The following IQSEC2 variants were observed in gnomAD, a reference collection of about 807,000 sequenced individuals.
IQSEC2 encodes the protein IQ motif and Sec7 domain ArfGEF 2.
In IQSEC2, 6 loss-of-function variants were observed where a neutral mutation model predicts 74.6. The observed-to-expected ratio is 0.08, with a 90% CI of 0.04 to 0.16. IQSEC2 has a LOEUF of 0.16. Ranked by LOEUF, IQSEC2 falls within the 10% of genes least tolerant of loss-of-function variation. The probability of loss-of-function intolerance (pLI) is 1.00; values close to 1 mark genes in which losing one functional copy is unlikely to be tolerated. For missense variants in IQSEC2, 734 were observed against 1,306.2 expected (o/e 0.56, Z 6.75); for synonymous variants, 494 against 544.5 (o/e 0.91, Z 1.29).
At chrX:53,279,883 G>A (rs1295768663) in intron 2 of IQSEC2, 2 of 103,802 alleles carry the variant, frequency 1.9e-5, no homozygotes, top group Non-Finnish European at 3.7e-5. Context: ...AGAGAGGGAG[G>A]AAGATGGAGA....
chrX:53,235,908 C>T lies in IQSEC2; in HGVS notation c.3452-76G>A, dbSNP rs1019934444. On this transcript the variant is annotated intron_variant, in intron 13 of 14. Coordinates refer to ENST00000642864, the MANE Select transcript of IQSEC2 (RefSeq NM_001111125.3). ...CCCTGCTGGGCTCCAGAGCTGGGCACCAGGACTGGGCCCCTCCCGGGGACA... is the reference window on the plus strand; with the variant it reads ...CCCTGCTGGGCTCCAGAGCTGGGCATCAGGACTGGGCCCCTCCCGGGGACA... 37 of 1,013,190 alleles carry T rather than the reference C, an allele frequency of 3.7e-5. 1 individual carries two copies. The Middle Eastern group carries it at 9.9e-4, about 27-fold the overall frequency. The allele number at this position is 1,013,190 out of a possible 1,213,427, so 83.5% of individuals were successfully genotyped here.
chrX:53,234,813 G>A lies in IQSEC2; in HGVS notation c.3873C>T (p.Pro1291=). Reference sequence around the variant, plus strand: ...AGGGTGGGGGCTGCTGGGGAGGTGGGGGAAGAGAGGGCTGCTGGGGTGGGA... The same window carrying A: ...AGGGTGGGGGCTGCTGGGGAGGTGGAGGAAGAGAGGGCTGCTGGGGTGGGA... ...PYLPPQQPSL[P]PPPQQPPPLP... Residue 1291 remains proline, a synonymous_variant, in exon 15 of 15, where the codon CCC becomes CCT. Transcript: ENST00000642864. 3 of 1,120,319 alleles carry A rather than the reference G, an allele frequency of 2.7e-6. No homozygotes were observed. Among genetic ancestry groups the A allele is most frequent in the Non-Finnish European group, 3.5e-6 (3 of 847,830 alleles). The allele number at this position is 1,120,319 out of a possible 1,213,427, so 92.3% of individuals were successfully genotyped here.
intron 1 of IQSEC2, among the ~76,000 whole-genome samples, chrX:53,306,624 G>A (rs1014788123): frequency 9.0e-6 from 1 of 111,349 alleles, no homozygotes; most frequent in African/African-American, 3.3e-5. Context: ...AGTAGCTTTC[G>A]CCTTAGTTTC....
chrX:53,317,287 A>G (rs1434468076), intron 1 of IQSEC2, among the ~76,000 whole-genome samples: 2 of 111,439 alleles, frequency 1.8e-5, no homozygotes, highest in Non-Finnish European at 3.8e-5. Flanking sequence ...GACGCATCTC[A>G]CTCTATCTGC....
chrX:53,248,713 G>A lies in IQSEC2; in HGVS notation c.2459+8C>T, dbSNP rs1485084441. ...CTGGCCCAGCCTGCCCCATCCTGGGGTCCTCACTCCAACACGTCTCTGTTG... is the reference window on the plus strand; with the variant it reads ...CTGGCCCAGCCTGCCCCATCCTGGGATCCTCACTCCAACACGTCTCTGTTG... On this transcript the variant is annotated splice_region_variant and intron_variant, in intron 6 of 14. Transcript: ENST00000642864. The A allele has an allele frequency of 3.3e-6, 4 of 1,208,836 alleles. No homozygotes were observed. Among genetic ancestry groups the A allele is most frequent in the Non-Finnish European group, 4.5e-6 (4 of 894,407 alleles).
intron 1 of IQSEC2, among the ~76,000 whole-genome samples, chrX:53,307,908 C>A (rs1288516366): frequency 1.7e-4 from 18 of 105,740 alleles, no homozygotes; most frequent in South Asian, 4.2e-4. Context: ...AAAAAAAGGC[C>A]GGGCACGGCG....
chrX:53,267,112 A>T (rs1216561189), intron 2 of IQSEC2: 2 of 1,125,864 alleles, frequency 1.8e-6, no homozygotes, highest in Non-Finnish European at 2.3e-6. Context: ...TGGGTGACAG[A>T]GAGAGGCAGA....
At chrX:53,317,408 G>T (rs889471572) in intron 1 of IQSEC2, among the ~76,000 whole-genome samples, 1 of 111,646 alleles carries the variant, frequency 9.0e-6, no homozygotes, top group Non-Finnish European at 1.9e-5. Context: ...GACATGGATG[G>T]GGGTGGACAT....
At position 53,277,845 on chromosome X, in the gene IQSEC2, A is replaced by G. The variant is rs149561522; in HGVS notation, c.737+14050T>C. 7.2e-3 allele frequency among the ~76,000 whole-genome samples: 768 copies of G among 106,738 alleles called. 8 individuals carry two copies. Among genetic ancestry groups the G allele is most frequent in the African/African-American group, 0.025 (721 of 29,101 alleles). 92.7% of individuals were successfully genotyped at this position (106,738 alleles called of 115,157 possible). On this transcript the variant is annotated intron_variant, in intron 2 of 14. Transcript: ENST00000642864. ...ACCACCACGCCCGGCTAATTTCTGTATTTTTAGTAGAGACGGGGTTTTGCC... is the reference window on the plus strand; with the variant it reads ...ACCACCACGCCCGGCTAATTTCTGTGTTTTTAGTAGAGACGGGGTTTTGCC...
chrX:53,244,543 A>C (rs1300861866), intron 8 of IQSEC2, among the ~76,000 whole-genome samples: 3 of 109,876 alleles, frequency 2.7e-5, no homozygotes, highest in Non-Finnish European at 3.8e-5. Context: ...AAAAAAAAAA[A>C]CTCACTAAGT....
Position 53,254,764 on chromosome X carries a change from C to A in IQSEC2, c.1167G>T (p.Arg389=). 1 of 1,205,162 alleles carries A rather than the reference C, an allele frequency of 8.3e-7. No homozygotes were observed. The highest frequency in any genetic ancestry group is 1.1e-6 in the Non-Finnish European group (1 of 891,936). The change falls in exon 4 of 15, where the codon CGG becomes CGT. Residue 389 remains arginine, a synonymous_variant. Coordinates refer to ENST00000642864, the MANE Select transcript of IQSEC2 (RefSeq NM_001111125.3). ...CATACTCCTCAAAGGAGAACTGCAT[C>A]CGCATGTTGGAAAGGATGATGCGGC... ...MSRRIILSNM[R]MQFSFEEYEK...
chrX:53,308,222 T>C (rs1054470426), intron 1 of IQSEC2, among the ~76,000 whole-genome samples: 5 of 107,051 alleles, frequency 4.7e-5, no homozygotes, highest in African/African-American at 1.7e-4. Context: ...AAAGGGCTGC[T>C]TGAGTACTAT....
At position 53,248,993 on chromosome X, in the gene IQSEC2, C is replaced by T. The variant is rs1446151930; in HGVS notation, c.2298-111G>A. On this transcript the variant is annotated intron_variant, in intron 5 of 14. Transcript: ENST00000642864. ...ACTAAGTCCGGCCTCAGAGGACCAACGAAGTCAAATACATAATTTGATCCA... is the reference window on the plus strand; with the variant it reads ...ACTAAGTCCGGCCTCAGAGGACCAATGAAGTCAAATACATAATTTGATCCA... 37 of 737,671 alleles carry T rather than the reference C, an allele frequency of 5.0e-5. No homozygotes were observed. In the South Asian group the frequency reaches 7.5e-4, roughly 15 times the overall value. 60.8% of individuals were successfully genotyped at this position (737,671 alleles called of 1,213,427 possible). A position where few individuals can be genotyped will look rare whatever the true frequency, so the allele number is the denominator to read the frequency against.
chrX:53,271,800 C>A (rs782288157), intron 2 of IQSEC2, among the ~76,000 whole-genome samples: 17 of 111,612 alleles, frequency 1.5e-4, no homozygotes, highest in Non-Finnish European at 2.8e-4. Flanking sequence ...ATTTAGAATC[C>A]ATTCAACTGA....
chrX:53,251,272 A>G (rs1239728726), intron 4 of IQSEC2, 98 bp from the exon 5 acceptor site: 11 of 880,953 alleles, frequency 1.2e-5, no homozygotes, highest in Non-Finnish European at 1.8e-5. Flanking sequence ...GGAGGTAAGG[A>G]AAAAGGGGGA....
intron 1 of IQSEC2, among the ~76,000 whole-genome samples, chrX:53,319,605 G>C (rs2075409206): frequency 1.8e-5 from 2 of 111,142 alleles, no homozygotes; most frequent in African/African-American, 6.6e-5. Flanking sequence ...AGCTCACCAT[G>C]GTATCTACAC....
intron 1 of IQSEC2, among the ~76,000 whole-genome samples, chrX:53,298,723 T>A (rs1569331615): frequency 1.8e-5 from 2 of 111,805 alleles, no homozygotes; most frequent in Non-Finnish European, 3.8e-5. Flanking sequence ...TTGTTGGCTG[T>A]TGGAGTTCCT....
chrX:53,250,787 C>G lies in IQSEC2; in HGVS notation c.1789G>C (p.Glu597Gln). The G allele has an allele frequency of 8.3e-7, 1 of 1,209,738 alleles. No homozygotes were observed. Among genetic ancestry groups the G allele is most frequent in the South Asian group, 1.8e-5 (1 of 56,603 alleles). The part of the protein sequence containing the change: ...RAAHLPLLTI[E>Q]PPSDSSVDLS... Reference sequence around the variant, plus strand: ...TCCACGGAGCTGTCACTAGGAGGCTCAATGGTAAGCAGGGGAAGGTGGGCA... The same window carrying G: ...TCCACGGAGCTGTCACTAGGAGGCTGAATGGTAAGCAGGGGAAGGTGGGCA... Residue 597 changes from glutamate (E) to glutamine (Q), a missense_variant, in exon 5 of 15, where the codon GAG becomes CAG. Physicochemically the swap from Glu to Gln is conservative, Grantham distance 29 (BLOSUM62 2). Coordinates refer to ENST00000642864, the MANE Select transcript of IQSEC2 (RefSeq NM_001111125.3).
chrX:53,307,456 A>G (rs1240512263), intron 1 of IQSEC2, among the ~76,000 whole-genome samples: 3 of 107,315 alleles, frequency 2.8e-5, no homozygotes, highest in African/African-American at 3.4e-5. Flanking sequence ...CAGACTTTCT[A>G]TTAACTTATT....
Sources: gnomAD v4.1 joint callset for allele counts (sites outside exome capture counted in the v4.1 genomes callset) on GRCh38, gnomAD v4.1.1 for gene constraint, MANE v1.5 for transcripts, NCBI Gene and HGNC (gene_info 2026-07-23, HGNC 2026-07-21) for gene names.